The following GNB4 variants were observed in gnomAD, a reference collection of about 807,000 sequenced individuals.
GNB4 encodes the protein G protein subunit beta 4.
Under a neutral mutation model 45.2 loss-of-function variants are expected in GNB4, and 28 were observed. The observed-to-expected ratio is 0.62, with a 90% CI of 0.46 to 0.85. The LOEUF (loss-of-function observed/expected upper bound fraction) is 0.85. GNB4 is among the 40% of genes least tolerant of loss of function. The probability of loss-of-function intolerance (pLI) is 0.00; values close to 1 mark genes in which losing one functional copy is unlikely to be tolerated. For missense variants in GNB4, 321 were observed against 425.4 expected (o/e 0.75, Z 2.16); for synonymous variants, 132 against 143.7 (o/e 0.92, Z 0.58).
At chr3:179,478,185 C>G in the GNB4 span, among the ~76,000 whole-genome samples, 1 of 152,140 alleles carries the variant, frequency 6.6e-6, no homozygotes, top group Non-Finnish European at 1.5e-5. Flanking sequence ...AACAAACCAA[C>G]TCTCATGATG....
intron 1 of GNB4, among the ~76,000 whole-genome samples, chr3:179,430,242 C>T (rs75426037): frequency 2.6e-5 from 4 of 151,934 alleles, no homozygotes; most frequent in Non-Finnish European, 4.4e-5. Flanking sequence ...GGCACTACCA[C>T]GTCAAGCTAA....
the GNB4 span, among the ~76,000 whole-genome samples, chr3:179,482,029 A>C: frequency 4.6e-5 from 7 of 152,016 alleles, no homozygotes; most frequent in African/African-American, 1.7e-4. Flanking sequence ...CAGCCTCCCC[A>C]GTAGCTGGGA....
At chr3:179,415,400 G>C (rs1190695306) in intron 5 of GNB4, among the ~76,000 whole-genome samples, 1 of 152,134 alleles carries the variant, frequency 6.6e-6, no homozygotes, top group African/African-American at 2.4e-5. Flanking sequence ...TTTTGTAATA[G>C]TGCTCAGAAG....
At chr3:179,407,944 G>A (rs1714524592) in intron 8 of GNB4, among the ~76,000 whole-genome samples, 1 of 152,054 alleles carries the variant, frequency 6.6e-6, no homozygotes, top group South Asian at 2.1e-4. Flanking sequence ...TCACCAGTGG[G>A]GCAAAATTAA....
At chr3:179,511,554 C>T in the GNB4 span, among the ~76,000 whole-genome samples, 6 of 152,106 alleles carry the variant, frequency 3.9e-5, no homozygotes, top group Non-Finnish European at 7.4e-5. Context: ...TGCCTGGGTT[C>T]GTATCTTAGC....
chr3:179,485,588 C>T, the GNB4 span, among the ~76,000 whole-genome samples: 1 of 152,138 alleles, frequency 6.6e-6, no homozygotes, highest in African/African-American at 2.4e-5. Context: ...TTGACCAGTA[C>T]TAGGTGGAGT....
the GNB4 span, among the ~76,000 whole-genome samples, chr3:179,471,965 A>G: frequency 6.6e-6 from 1 of 152,212 alleles, no homozygotes; most frequent in Non-Finnish European, 1.5e-5. Context: ...AAAATTTTGT[A>G]TGTACCAATT....
At chr3:179,478,448 A>G in the GNB4 span, among the ~76,000 whole-genome samples, 1 of 152,248 alleles carries the variant, frequency 6.6e-6, no homozygotes, top group Non-Finnish European at 1.5e-5. Context: ...TGTGGCAATT[A>G]CAAATAGTTA....
At chr3:179,478,524 G>GT in the GNB4 span, among the ~76,000 whole-genome samples, 2 of 152,032 alleles carry the variant, frequency 1.3e-5, no homozygotes, top group East Asian at 1.9e-4. Context: ...GTTTTGTTTT[G>GT]TTTTTTGGGT....
At chr3:179,411,549 C>T (rs1252226041) in intron 8 of GNB4, among the ~76,000 whole-genome samples, 1 of 149,478 alleles carries the variant, frequency 6.7e-6, no homozygotes, top group South Asian at 2.1e-4. Context: ...TCTCAACAGA[C>T]GGACAAAAAG....
chr3:179,464,720 T>A, the GNB4 span: 1 of 1,048,730 alleles, frequency 9.5e-7, no homozygotes, highest in Non-Finnish European at 1.5e-6. Flanking sequence ...ATTATGATAA[T>A]GTAGATGGCC....
the GNB4 span, among the ~76,000 whole-genome samples, chr3:179,515,958 A>G: frequency 6.6e-6 from 1 of 152,228 alleles, no homozygotes. Context: ...ACAGTTTTGT[A>G]TGAATTGAGA....
chr3:179,492,601 C>T, the GNB4 span, among the ~76,000 whole-genome samples: 1 of 152,122 alleles, frequency 6.6e-6, no homozygotes, highest in African/African-American at 2.4e-5. Context: ...CTGGTACATA[C>T]CCAAGCCTAG....
rs1296258108 is a variant in GNB4, at chr3:179,401,261, C to T, written c.975G>A (p.Met325Ile). Residue 325 changes from methionine to isoleucine, a missense_variant, in exon 10 of 10, where the codon ATG (methionine) becomes ATA (isoleucine). Met to Ile is a conservative substitution (Grantham distance 10, BLOSUM62 1). Coordinates refer to ENST00000232564, the MANE Select transcript of GNB4 (RefSeq NM_021629.4). ...TGTCCCAAGAGCCTGTTGCCACAGC[C>T]ATGCCATCATCAGTTACACCTAAGC... ...VSCLGVTDDG[M>I]AVATGSWDSF... 4 of 1,613,816 alleles carry T rather than the reference C, an allele frequency of 2.5e-6. No homozygotes were observed. The African/African-American group carries it at 5.3e-5, about 22-fold the overall frequency.
chr3:179,452,708 G>A (rs1057456869), upstream of GNB4, among the ~76,000 whole-genome samples: 1 of 152,054 alleles, frequency 6.6e-6, no homozygotes, highest in African/African-American at 2.4e-5. Context: ...TTTATCCACA[G>A]ATAAAGAAAC....
At chr3:179,456,148 G>A (rs6768421), upstream of GNB4, among the ~76,000 whole-genome samples, 1,783 of 137,836 alleles carry the variant, frequency 0.013, 30 homozygotes, top group South Asian at 0.076. Context: ...ATCTCGCTCC[G>A]TCACTGAGGG....
chr3:179,482,395 G>T, the GNB4 span, among the ~76,000 whole-genome samples: 1 of 152,154 alleles, frequency 6.6e-6, no homozygotes, highest in Non-Finnish European at 1.5e-5. Flanking sequence ...CTCTTGAGTG[G>T]TGATGACGCA....
Position 179,399,700 on chromosome 3 carries a change from A to T in GNB4, c.*1513T>A, listed in dbSNP as rs1390738704. The stretch of plus-strand genomic sequence containing the variant: ...ATTCACAACATAAAAACAAAAATTT[A>T]GAGGTAAAGTTTGGGAGTATTTAGG... On this transcript the variant is annotated 3_prime_UTR_variant, in exon 10 of 10. Coordinates refer to ENST00000232564, the MANE Select transcript of GNB4 (RefSeq NM_021629.4). 1 of 152,258 alleles carries T rather than the reference A, an allele frequency of 6.6e-6. No individual in the cohort carries two copies. 9.4% of individuals were successfully genotyped at this position (152,258 alleles called of 1,614,324 possible).
chr3:179,524,796 AAGG>A, the GNB4 span, among the ~76,000 whole-genome samples: 1 of 152,162 alleles, frequency 6.6e-6, no homozygotes, highest in African/African-American at 2.4e-5. Context: ...GATAAAGAAA[AAGG>A]AGCATTAACC....
Sources: gnomAD v4.1 joint callset for allele counts (sites outside exome capture counted in the v4.1 genomes callset) on GRCh38, gnomAD v4.1.1 for gene constraint, MANE v1.5 for transcripts, NCBI Gene and HGNC (gene_info 2026-07-23, HGNC 2026-07-21) for gene names.